The following PUDP variants were observed in gnomAD, a reference collection of about 807,000 sequenced individuals.
PUDP encodes pseudouridine-5'-phosphatase.
Under a neutral mutation model 9.4 loss-of-function variants are expected in PUDP, and 8 were observed. The observed-to-expected ratio is 0.85, with a 90% CI of 0.50 to 1.53. PUDP has a LOEUF of 1.53. Ranked by LOEUF, PUDP falls within the 40% of genes most tolerant of loss-of-function variation. PUDP has a pLI of 0.00. For missense variants in PUDP, 188 were observed against 189.7 expected, an observed-to-expected ratio of 0.99 and a Z score of 0.05; for synonymous variants, 99 against 80.7, an observed-to-expected ratio of 1.23 and a Z score of -1.22.
intron 3 of PUDP, among the ~76,000 whole-genome samples, chrX:6,760,471 G>C (rs1925217762): frequency 1.8e-5 from 2 of 111,835 alleles, no homozygotes; most frequent in Non-Finnish European, 3.8e-5. Flanking sequence ...CTCAGGGTGG[G>C]GTTCATGGGA....
At chrX:7,142,141 C>T (rs1263221094) in intron 1 of PUDP, among the ~76,000 whole-genome samples, 8 of 111,978 alleles carry the variant, frequency 7.1e-5, no homozygotes, top group Non-Finnish European at 1.5e-4. Context: ...AGTCTTATTA[C>T]TTAGGATATG....
chrX:6,942,254 C>A (rs1273607703), intron 3 of PUDP, among the ~76,000 whole-genome samples: 1 of 112,106 alleles, frequency 8.9e-6, no homozygotes, highest in Non-Finnish European at 1.9e-5. Context: ...ACTCTCTTAG[C>A]AAATTTCAAA....
intron 3 of PUDP, among the ~76,000 whole-genome samples, chrX:6,806,962 C>T (rs1926060165): frequency 8.9e-6 from 1 of 112,122 alleles, no homozygotes; most frequent in Non-Finnish European, 1.9e-5. Flanking sequence ...CAGAATGCAA[C>T]CAGGAAACAC....
chrX:7,147,175 A>G (rs1446824363), intron 1 of PUDP, among the ~76,000 whole-genome samples: 4 of 110,781 alleles, frequency 3.6e-5, no homozygotes, highest in African/African-American at 6.6e-5. Flanking sequence ...CCTCGGATTG[A>G]TAGAGCAGCT....
chrX:6,788,654 G>A (rs779134876), intron 3 of PUDP, among the ~76,000 whole-genome samples: 9 of 111,943 alleles, frequency 8.0e-5, no homozygotes, highest in South Asian at 3.7e-4. Flanking sequence ...GCAGTGAGCC[G>A]AGATCGTGCC....
chrX:7,063,288 T>C (rs192085907), intron 3 of PUDP, among the ~76,000 whole-genome samples: 66 of 112,150 alleles, frequency 5.9e-4, no homozygotes, highest in African/African-American at 2.0e-3. Flanking sequence ...AAAAAATTAA[T>C]TGTGTAGTGA....
At chrX:7,147,370 T>C (rs1361550849) in intron 1 of PUDP, among the ~76,000 whole-genome samples, 1 of 111,556 alleles carries the variant, frequency 9.0e-6, no homozygotes, top group Non-Finnish European at 1.9e-5. Flanking sequence ...TAATTCCTTA[T>C]GGTTGCATAG....
intron 3 of PUDP, among the ~76,000 whole-genome samples, chrX:6,770,631 G>A (rs947462787): frequency 5.4e-5 from 6 of 111,480 alleles, no homozygotes; most frequent in African/African-American, 2.0e-4. Flanking sequence ...CCTGTCCTAT[G>A]ATAGGCCAGC....
At chrX:6,914,588 C>T (rs898669070) in intron 3 of PUDP, among the ~76,000 whole-genome samples, 3 of 112,070 alleles carry the variant, frequency 2.7e-5, no homozygotes, top group African/African-American at 9.7e-5. Context: ...TGCAATGGCC[C>T]TGCAGGAACA....
At chrX:6,770,349 A>G (rs1464667225) in intron 3 of PUDP, among the ~76,000 whole-genome samples, 2 of 112,467 alleles carry the variant, frequency 1.8e-5, no homozygotes, top group Admixed American at 1.9e-4. Flanking sequence ...CCCATTTATT[A>G]TCTGGCCCTT....
chrX:6,959,318 C>T (rs977029670), intron 3 of PUDP, among the ~76,000 whole-genome samples: 1 of 111,391 alleles, frequency 9.0e-6, no homozygotes, highest in African/African-American at 3.3e-5. Flanking sequence ...GTACTCACTG[C>T]CCTGCACCAC....
chrX:7,097,774 A>AG (rs777206567), intron 2 of PUDP, among the ~76,000 whole-genome samples: 1 of 111,579 alleles, frequency 9.0e-6, no homozygotes, highest in Non-Finnish European at 1.9e-5. Context: ...CCTAATGGAA[A>AG]GGGTGGGGGT....
chrX:7,147,131 A>T (rs762635179), intron 1 of PUDP, among the ~76,000 whole-genome samples: 3 of 111,022 alleles, frequency 2.7e-5, no homozygotes, highest in African/African-American at 9.8e-5. Context: ...GCTAAGACTG[A>T]CTACCTTAGT....
chrX:6,806,609 G>A (rs1215543046), intron 3 of PUDP, among the ~76,000 whole-genome samples: 3 of 112,327 alleles, frequency 2.7e-5, no homozygotes, highest in Non-Finnish European at 5.6e-5. Flanking sequence ...GATTACAGGC[G>A]TGTGCCACCA....
intron 3 of PUDP, among the ~76,000 whole-genome samples, chrX:6,972,564 A>T (rs1928893242): frequency 8.9e-6 from 1 of 112,136 alleles, no homozygotes; most frequent in Non-Finnish European, 1.9e-5. Flanking sequence ...AGCCGACTTG[A>T]TAATGGTGGA....
chrX:6,853,876 G>C (rs1039578674), intron 3 of PUDP, among the ~76,000 whole-genome samples: 3 of 110,741 alleles, frequency 2.7e-5, no homozygotes, highest in African/African-American at 9.9e-5. Context: ...TGATTCTCCT[G>C]CCTCAGCCTC....
chrX:6,908,812 C>T (rs1927806347), intron 3 of PUDP, among the ~76,000 whole-genome samples: 1 of 111,866 alleles, frequency 8.9e-6, no homozygotes, highest in Non-Finnish European at 1.9e-5. Context: ...TAATACAGAC[C>T]TGTGGTTTTC....
chrX:7,141,401 T>G (rs1392738083), intron 1 of PUDP, among the ~76,000 whole-genome samples: 1 of 112,938 alleles, frequency 8.9e-6, no homozygotes, highest in African/African-American at 3.2e-5. Context: ...AGCACAACAT[T>G]CCCTTAAGCC....
chrX:6,967,509 G>A (rs1390678001), intron 3 of PUDP, among the ~76,000 whole-genome samples: 1 of 111,398 alleles, frequency 9.0e-6, no homozygotes, highest in Non-Finnish European at 1.9e-5. Flanking sequence ...TTGAGTGGCC[G>A]CTTTGCACCT....
Sources: gnomAD v4.1 joint callset for allele counts (sites outside exome capture counted in the v4.1 genomes callset) on GRCh38, gnomAD v4.1.1 for gene constraint, MANE v1.5 for transcripts, NCBI Gene and HGNC (gene_info 2026-07-23, HGNC 2026-07-21) for gene names.